The following THSD7A variants were observed in gnomAD, a reference collection of about 807,000 sequenced individuals.
The protein encoded by THSD7A is thrombospondin type-1 domain-containing protein 7A.
THSD7A carries 96 observed loss-of-function variants against 231.3 expected under a neutral mutation model. The ratio of observed to expected loss-of-function variants is 0.41; its 90% CI spans 0.35 to 0.49. The LOEUF is 0.49. Among genes scored for constraint, THSD7A ranks in the 20% least tolerant of loss-of-function variants. The probability of loss-of-function intolerance (pLI) is 0.05; values close to 1 mark genes in which losing one functional copy is unlikely to be tolerated. For synonymous variants in THSD7A, 940 were observed against 743.3 expected (o/e 1.26, Z -4.30); for missense variants, 2,290 against 2,070.2 (o/e 1.11, Z -2.06).
Position 11,636,313 on chromosome 7 carries a change from T to C in THSD7A, c.839A>G (p.Asn280Ser). The change falls in exon 2 of 28, where the codon AAT becomes AGT. Residue 280 changes from asparagine to serine, a missense_variant. Coordinates refer to ENST00000423059, the MANE Select transcript of THSD7A (RefSeq NM_015204.3). This position sits in a 1 kb window ranked among gnomAD's most constrained non-coding sequence, Gnocchi z 10.0. Reference sequence around the variant, plus strand: ...GCTGCGGTCCTTTTCCCGTTCTTTATTCTTCCCGCGTCTCCTTGCTTGTCT... The same window carrying C: ...GCTGCGGTCCTTTTCCCGTTCTTTACTCTTCCCGCGTCTCCTTGCTTGTCT... ...QVRQARRRGKNKEREKDRSKG... is the reference protein window; with the variant it reads ...QVRQARRRGKSKEREKDRSKG... 6.2e-7 allele frequency: 1 copy of C among 1,613,942 alleles called. No individual in the cohort carries two copies. Among genetic ancestry groups the C allele is most frequent in the Non-Finnish European group, 8.5e-7 (1 of 1,179,862 alleles).
At chr7:11,469,285 G>A (rs887667144) in intron 9 of THSD7A, among the ~76,000 whole-genome samples, 4 of 152,148 alleles carry the variant, frequency 2.6e-5, no homozygotes, top group African/African-American at 7.2e-5. Context: ...CTGACCTAGA[G>A]GGTGAAGAAA....
intron 2 of THSD7A, among the ~76,000 whole-genome samples, chr7:11,611,224 C>T (rs1276401477): frequency 6.6e-6 from 1 of 151,558 alleles, no homozygotes; most frequent in Non-Finnish European, 1.5e-5. Flanking sequence ...ATTTAATGTG[C>T]AATAAAATAA....
At chr7:11,805,852 C>T (rs979971645) in intron 1 of THSD7A, among the ~76,000 whole-genome samples, 1 of 151,844 alleles carries the variant, frequency 6.6e-6, no homozygotes, top group Non-Finnish European at 1.5e-5. Context: ...ATTTTATATA[C>T]ATATATATGT....
At chr7:11,820,580 G>A (rs1417033366) in intron 1 of THSD7A, 3 of 720,268 alleles carry the variant, frequency 4.2e-6, no homozygotes, top group Admixed American at 2.4e-5. Context: ...TGTTCCCAGA[G>A]TAGTTGCCTC....
At chr7:11,585,245 C>G (rs1453897738) in intron 4 of THSD7A, among the ~76,000 whole-genome samples, 4 of 152,188 alleles carry the variant, frequency 2.6e-5, no homozygotes, top group Admixed American at 2.6e-4. Context: ...TTTACCCCAA[C>G]AGCTGAACCT....
At chr7:11,388,816 C>G (rs1248900305) in intron 23 of THSD7A, among the ~76,000 whole-genome samples, 2 of 151,980 alleles carry the variant, frequency 1.3e-5, no homozygotes, top group African/African-American at 2.4e-5. Context: ...ATAAACTTCC[C>G]TCTGGTACTT....
intron 1 of THSD7A, chr7:11,821,264 A>G: frequency 1.8e-6 from 2 of 1,086,748 alleles, no homozygotes; most frequent in Non-Finnish European, 1.4e-6. Flanking sequence ...GACTGAGCTG[A>G]CTGTATGTGC....
chr7:11,654,938 A>G (rs539110926), intron 1 of THSD7A, among the ~76,000 whole-genome samples: 2 of 152,096 alleles, frequency 1.3e-5, no homozygotes, highest in South Asian at 4.1e-4. Context: ...TGACAGTTGC[A>G]TATTGAAGGA....
rs200125669 is a variant in THSD7A at position 11,424,821 on chromosome 7, C to G, written c.3258G>C (p.Glu1086Asp). The part of the protein sequence containing the change: ...LDHVNQAQVY[E>D]VVPCHSDCNQ... Reference sequence around the variant, plus strand: ...TGCAGTCACTGTGGCATGGGACAACCTCATACACCTGAAACACACATGGTT... The same window carrying G: ...TGCAGTCACTGTGGCATGGGACAACGTCATACACCTGAAACACACATGGTT... Residue 1086 changes from glutamate (E) to aspartate (D), a missense_variant, in exon 16 of 28, where the codon GAG (glutamate) becomes GAC (aspartate). Coordinates refer to ENST00000423059, the MANE Select transcript of THSD7A (RefSeq NM_015204.3). 6.2e-7 allele frequency: 1 copy of G among 1,613,986 alleles called. No individual in the cohort carries two copies. The highest frequency in any genetic ancestry group is 2.2e-5 in the East Asian group (1 of 44,878).
intron 13 of THSD7A, among the ~76,000 whole-genome samples, chr7:11,432,801 TA>T (rs1481688555): frequency 6.6e-6 from 1 of 152,016 alleles, no homozygotes; most frequent in African/African-American, 2.4e-5. Flanking sequence ...TTGATGGACA[TA>T]TGTATGTATT....
At chr7:11,388,124 C>T (rs991444202) in intron 23 of THSD7A, among the ~76,000 whole-genome samples, 4 of 151,544 alleles carry the variant, frequency 2.6e-5, no homozygotes, top group African/African-American at 4.8e-5. Flanking sequence ...TGAGGATTTT[C>T]GCACCAATGT....
intron 4 of THSD7A, among the ~76,000 whole-genome samples, chr7:11,578,035 T>C (rs1790995222): frequency 6.6e-6 from 1 of 152,236 alleles, no homozygotes; most frequent in African/African-American, 2.4e-5. Context: ...CAATTTTGTA[T>C]ATAATGTTAG....
chr7:11,813,752 A>ATAG (rs1784600417), intron 1 of THSD7A, among the ~76,000 whole-genome samples: 1 of 140,354 alleles, frequency 7.1e-6, no homozygotes, highest in Non-Finnish European at 1.6e-5. Context: ...AATAATAATA[A>ATAG]TAATAAGGCT....
At chr7:11,564,564 G>T (rs1477843502) in intron 4 of THSD7A, among the ~76,000 whole-genome samples, 1 of 152,152 alleles carries the variant, frequency 6.6e-6, no homozygotes, top group Non-Finnish European at 1.5e-5. Context: ...TTGCCTTGGT[G>T]TCTGTTCCTC....
chr7:11,613,420 G>A lies in THSD7A; in HGVS notation c.1023-19918C>T, dbSNP rs147788294. On this transcript the variant is annotated intron_variant, in intron 2 of 27. Transcript: ENST00000423059. ...GTTTAATACCAGCAGCTCTGAACCT[G>A]GCTGTTACGGCTCAGTGGAACTCAT... is the stretch of plus-strand genomic sequence containing the variant. Among the ~76,000 whole-genome samples the A allele has an allele frequency of 2.4e-3, 366 of 152,244 alleles. 2 individuals are homozygous for A. Among genetic ancestry groups the A allele is most frequent in the African/African-American group, 8.1e-3 (337 of 41,546 alleles).
chr7:11,612,930 G>A (rs923480416), intron 2 of THSD7A, among the ~76,000 whole-genome samples: 4 of 152,104 alleles, frequency 2.6e-5, no homozygotes, highest in Non-Finnish European at 4.4e-5. Flanking sequence ...GGGCAGGACC[G>A]TTTCACTATC....
At chr7:11,417,763 C>T (rs1003274742) in intron 16 of THSD7A, among the ~76,000 whole-genome samples, 160 bp from the exon 17 acceptor site, 3 of 152,132 alleles carry the variant, frequency 2.0e-5, no homozygotes, top group Admixed American at 1.3e-4. Context: ...TAAAATTCTC[C>T]ACAAATGAAG....
At chr7:11,581,488 C>G (rs140890648) in intron 4 of THSD7A, among the ~76,000 whole-genome samples, 56 of 152,040 alleles carry the variant, frequency 3.7e-4, no homozygotes, top group Admixed American at 3.6e-3. Flanking sequence ...TTTGTCTTTT[C>G]CATTAGCAAA....
chr7:11,745,428 T>A (rs1046726639), intron 1 of THSD7A, among the ~76,000 whole-genome samples: 3 of 152,184 alleles, frequency 2.0e-5, no homozygotes, highest in African/African-American at 7.2e-5. Flanking sequence ...TCTTTTGCTG[T>A]GCAGAAGCTC....
Sources: allele counts gnomAD v4.1 joint callset (sites outside exome capture counted in the v4.1 genomes callset), GRCh38; gene constraint gnomAD v4.1.1; non-coding constraint Gnocchi (gnomAD v3.1); transcripts MANE v1.5; gene names NCBI Gene and HGNC (gene_info 2026-07-23, HGNC 2026-07-21).